Variants in LRRC4C observed in about 807,000 individuals in gnomAD.
The protein encoded by LRRC4C is leucine rich repeat containing 4C.
Under a neutral mutation model 33.6 loss-of-function variants are expected in LRRC4C, and 5 were observed. That is an observed-to-expected ratio of 0.15 (90% CI 0.08 to 0.31). The LOEUF is 0.31. Among genes scored for constraint, LRRC4C ranks in the 10% least tolerant of loss-of-function variants. The pLI, the probability that LRRC4C is intolerant of heterozygous loss-of-function variation, is 1.00. For synonymous variants in LRRC4C, 329 were observed against 302.0 expected, an observed-to-expected ratio of 1.09 and a Z score of -0.93; for missense variants, 560 against 796.7, an observed-to-expected ratio of 0.70 and a Z score of 3.58.
At chr11:40,570,679 C>G (rs750819561) in intron 3 of LRRC4C, among the ~76,000 whole-genome samples, 2 of 152,040 alleles carry the variant, frequency 1.3e-5, no homozygotes, top group South Asian at 2.1e-4. Flanking sequence ...TACTATGTAT[C>G]TATTTCTCTA....
At chr11:40,778,806 A>G (rs1950108544) in intron 2 of LRRC4C, among the ~76,000 whole-genome samples, 1 of 152,198 alleles carries the variant, frequency 6.6e-6, no homozygotes, top group Non-Finnish European at 1.5e-5. Flanking sequence ...AAGTATTTTC[A>G]TTATTCTAAG....
intron 1 of LRRC4C, among the ~76,000 whole-genome samples, chr11:41,289,129 C>A (rs1949920685): frequency 6.6e-6 from 1 of 152,048 alleles, no homozygotes. Flanking sequence ...GCATGGATAC[C>A]AGGGTGTTGG....
intron 3 of LRRC4C, among the ~76,000 whole-genome samples, chr11:40,507,902 G>A (rs1456171181): frequency 6.6e-6 from 1 of 151,970 alleles, no homozygotes; most frequent in African/African-American, 2.4e-5. Context: ...ACCACACCTG[G>A]TTAACTTTTG....
At chr11:41,201,929 C>G (rs12224715) in intron 1 of LRRC4C, among the ~76,000 whole-genome samples, 6 of 27,234 alleles carry the variant, frequency 2.2e-4, no homozygotes, top group Non-Finnish European at 1.8e-4. Flanking sequence ...CAAACACACA[C>G]ACACACACAC....
chr11:40,903,803 G>A (rs1373640066), intron 2 of LRRC4C, among the ~76,000 whole-genome samples: 1 of 152,082 alleles, frequency 6.6e-6, no homozygotes, highest in African/African-American at 2.4e-5. Flanking sequence ...ATAAGTAAGA[G>A]TATAATTAGA....
At chr11:40,145,886 C>T (rs1857696307) in intron 5 of LRRC4C, among the ~76,000 whole-genome samples, 1 of 152,154 alleles carries the variant, frequency 6.6e-6, no homozygotes, top group Non-Finnish European at 1.5e-5. Context: ...CTATGCTGGG[C>T]ATATACCAGG....
chr11:40,779,066 T>C (rs543553489), intron 2 of LRRC4C, among the ~76,000 whole-genome samples: 3 of 152,212 alleles, frequency 2.0e-5, no homozygotes, highest in African/African-American at 7.2e-5. Flanking sequence ...AGTTAAGTGA[T>C]TAGTGTAGGT....
At chr11:40,191,389 A>G (rs1401380538) in intron 5 of LRRC4C, among the ~76,000 whole-genome samples, 1 of 152,218 alleles carries the variant, frequency 6.6e-6, no homozygotes, top group Non-Finnish European at 1.5e-5. Flanking sequence ...CCTGCACTCT[A>G]AACATGCAAA....
chr11:40,343,838 A>G (rs1351742204), intron 3 of LRRC4C, among the ~76,000 whole-genome samples: 3 of 152,050 alleles, frequency 2.0e-5, no homozygotes, highest in Admixed American at 2.0e-4. Context: ...ATGCCATAGA[A>G]ATACAAAAAG....
chr11:40,500,271 G>GATATATATATATAT (rs377169790), intron 3 of LRRC4C, among the ~76,000 whole-genome samples: 12 of 105,010 alleles, frequency 1.1e-4, no homozygotes, highest in South Asian at 7.5e-4. Context: ...CCTAATGTCT[G>GATATATATATATAT]ATATATATAT....
chr11:41,322,850 G>A (rs982899222), intron 1 of LRRC4C, among the ~76,000 whole-genome samples: 4 of 152,118 alleles, frequency 2.6e-5, no homozygotes, highest in African/African-American at 9.7e-5. Context: ...AGAAATAAGT[G>A]CAGCATAGTC....
intron 3 of LRRC4C, among the ~76,000 whole-genome samples, chr11:40,480,373 AT>A (rs754252541): frequency 1.7e-4 from 26 of 151,450 alleles, no homozygotes; most frequent in East Asian, 7.8e-4. Flanking sequence ...ATAAAAATAA[AT>A]AAATAAATAA....
Position 40,915,866 on chromosome 11 carries a change from C to T in LRRC4C, c.-407+17769G>A, listed in dbSNP as rs561417498. Among the ~76,000 whole-genome samples the T allele has an allele frequency of 5.9e-5, 9 of 152,050 alleles. No homozygotes were observed. In the South Asian group the frequency reaches 1.9e-3, roughly 32 times the overall value. ...AATTTACAAGAAAAAAACAAACAAC[C>T]CCATCAAAAAGTGGGTGAAGGATAT... On this transcript the variant is annotated intron_variant, in intron 2 of 6. Transcript: ENST00000528697.
chr11:41,237,248 C>A (rs1948064259), intron 1 of LRRC4C, among the ~76,000 whole-genome samples: 1 of 152,118 alleles, frequency 6.6e-6, no homozygotes, highest in South Asian at 2.1e-4. Flanking sequence ...TCACCTTGAC[C>A]ACCAAAGGAA....
chr11:41,310,163 G>A (rs934825120), intron 1 of LRRC4C, among the ~76,000 whole-genome samples: 1 of 152,180 alleles, frequency 6.6e-6, no homozygotes, highest in Non-Finnish European at 1.5e-5. Context: ...ATTAATAAAG[G>A]CATGTTGTCT....
At chr11:41,097,133 T>C (rs1356982428) in intron 1 of LRRC4C, among the ~76,000 whole-genome samples, 2 of 152,122 alleles carry the variant, frequency 1.3e-5, no homozygotes, top group Non-Finnish European at 2.9e-5. Flanking sequence ...CTTGAAGGCA[T>C]AGGAAACCTG....
At chr11:41,000,870 T>C (rs1283326947) in intron 1 of LRRC4C, among the ~76,000 whole-genome samples, 2 of 152,174 alleles carry the variant, frequency 1.3e-5, no homozygotes, top group African/African-American at 2.4e-5. Context: ...AGTCCCATAG[T>C]GCATTGAGAT....
At chr11:40,872,782 C>T (rs541813756) in intron 2 of LRRC4C, among the ~76,000 whole-genome samples, 51 of 152,196 alleles carry the variant, frequency 3.4e-4, no homozygotes, top group African/African-American at 1.2e-3. Flanking sequence ...GCATATTTCT[C>T]ATATGCTCTA....
chr11:41,182,036 A>G (rs987184307), intron 1 of LRRC4C, among the ~76,000 whole-genome samples: 30 of 152,150 alleles, frequency 2.0e-4, no homozygotes, highest in African/African-American at 7.0e-4. Flanking sequence ...CACAGACCCA[A>G]TTGCTAAACA....
Sources: allele counts gnomAD v4.1 joint callset (sites outside exome capture counted in the v4.1 genomes callset), GRCh38; gene constraint gnomAD v4.1.1; transcripts MANE v1.5; gene names NCBI Gene and HGNC (gene_info 2026-07-23, HGNC 2026-07-21).